Variants in FLT3 observed in about 807,000 individuals in gnomAD.
FLT3 encodes the protein receptor-type tyrosine-protein kinase FLT3.
In FLT3, 46 loss-of-function variants were observed where a neutral mutation model predicts 126.6. The observed-to-expected ratio is 0.36, with a 90% CI of 0.29 to 0.46. The LOEUF (loss-of-function observed/expected upper bound fraction) is 0.46. Ranked by LOEUF, FLT3 falls within the 20% of genes least tolerant of loss-of-function variation. The pLI is 1.00. For synonymous variants in FLT3, 404 were observed against 434.4 expected, an observed-to-expected ratio of 0.93 and a Z score of 0.87; for missense variants, 1,069 against 1,190.3, an observed-to-expected ratio of 0.90 and a Z score of 1.50.
intron 9 of FLT3, among the ~76,000 whole-genome samples, chr13:28,042,972 T>A (rs1284377554): frequency 6.6e-6 from 1 of 151,918 alleles, no homozygotes; most frequent in Non-Finnish European, 1.5e-5. Flanking sequence ...CAGTTTGTGG[T>A]TCTTCTGAGC....
intron 1 of FLT3, among the ~76,000 whole-genome samples, chr13:28,071,204 A>C (rs55896931): frequency 2.7e-5 from 4 of 149,450 alleles, no homozygotes; most frequent in Non-Finnish European, 4.4e-5. Flanking sequence ...GAGACGGGGT[A>C]TCGCCACGTT....
intron 15 of FLT3, among the ~76,000 whole-genome samples, chr13:28,029,077 C>T (rs1873079496): frequency 6.6e-6 from 1 of 152,146 alleles, no homozygotes; most frequent in African/African-American, 2.4e-5. Flanking sequence ...CCACCATGCC[C>T]AGCCTAAGGC....
At chr13:28,006,042 T>C (rs764926573) in intron 23 of FLT3, among the ~76,000 whole-genome samples, 1 of 152,146 alleles carries the variant, frequency 6.6e-6, no homozygotes, top group Non-Finnish European at 1.5e-5. Context: ...GAGGATTGCT[T>C]GAGGCCAAGA....
chr13:28,058,031 C>T (rs1003648284), intron 3 of FLT3, among the ~76,000 whole-genome samples: 8 of 151,074 alleles, frequency 5.3e-5, no homozygotes, highest in Non-Finnish European at 8.9e-5. Context: ...AAGAGTGAAA[C>T]TCCGTCTCAA....
In FLT3 at chr13:28,057,383, T is replaced by C. The variant is rs1319880122; in HGVS notation, c.448A>G (p.Thr150Ala). 1.9e-6 allele frequency: 3 copies of C among 1,561,830 alleles called. No homozygotes were observed. Among genetic ancestry groups the C allele is most frequent in the Non-Finnish European group, 2.6e-6 (3 of 1,132,430 alleles). The change falls in exon 4 of 24, where the codon ACC becomes GCC. Residue 150 changes from threonine to alanine, a missense_variant. Coordinates refer to ENST00000241453, the MANE Select transcript of FLT3 (RefSeq NM_004119.3). ...EYLLFIQSEA[T>A]NYTILFTVSI... ...ACTGTAAACAATATTGTGTAATTGG[T>C]AGCTTCACTCTGAATAAAAAGTAGG...
At chr13:28,076,719 G>T (rs1226810197) in intron 1 of FLT3, among the ~76,000 whole-genome samples, 1 of 152,156 alleles carries the variant, frequency 6.6e-6, no homozygotes, top group African/African-American at 2.4e-5. Context: ...CTTGAGCCCA[G>T]GAATTCGAGA....
At position 28,022,719 on chromosome 13, in the gene FLT3, G is replaced by C. The variant is rs572562557; in HGVS notation, c.2418+631C>G. Among the ~76,000 whole-genome samples, 266 of 152,320 alleles carry C rather than the reference G, an allele frequency of 1.7e-3. 1 individual carries two copies. Among genetic ancestry groups the C allele is most frequent in the African/African-American group, 6.2e-3 (256 of 41,582 alleles). On this transcript the variant is annotated intron_variant, in intron 19 of 23. Transcript: ENST00000241453. ...AGCAAACGAGGAAGGAAGGTAGCCA[G>C]AGAGTGGGCTATGATCTGCTTATAG... is the stretch of plus-strand genomic sequence containing the variant.
chr13:28,077,745 C>T (rs950496546), intron 1 of FLT3, among the ~76,000 whole-genome samples: 4 of 152,156 alleles, frequency 2.6e-5, no homozygotes, highest in Admixed American at 2.0e-4. Flanking sequence ...AGTCCAAAGT[C>T]TCATCTGAGG....
intron 1 of FLT3, among the ~76,000 whole-genome samples, chr13:28,087,211 A>C (rs1371893111): frequency 6.6e-6 from 1 of 152,048 alleles, no homozygotes; most frequent in Non-Finnish European, 1.5e-5. Flanking sequence ...CTTTGACTAC[A>C]AGGACACACC....
chr13:28,097,234 GAAA>G (rs1322505375), intron 1 of FLT3, among the ~76,000 whole-genome samples: 4 of 150,744 alleles, frequency 2.7e-5, no homozygotes, highest in East Asian at 1.9e-4. Flanking sequence ...GAAAAAGAAA[GAAA>G]GAAAGGAAGG....
chr13:28,047,497 G>A (rs1055174327), intron 9 of FLT3, among the ~76,000 whole-genome samples: 1 of 152,084 alleles, frequency 6.6e-6, no homozygotes, highest in Non-Finnish European at 1.5e-5. Flanking sequence ...AATCTCCTGA[G>A]CTCAAGAGTC....
rs73156252 is a variant in FLT3 at position 28,079,321 on chromosome 13, T to C, written c.44-8709A>G. On this transcript the variant is annotated intron_variant, in intron 1 of 23. Transcript: ENST00000241453. ...GACCACCTCGGCTTGGACCTTATTG[T>C]TCGTATCACTATCAGGATTTTTGTC... Among the ~76,000 whole-genome samples, 1,132 of 152,306 alleles carry C rather than the reference T, an allele frequency of 7.4e-3. 7 individuals are homozygous for C. Among genetic ancestry groups the C allele is most frequent in the Non-Finnish European group, 0.013 (859 of 68,030 alleles).
intron 18 of FLT3, 93 bp from the exon 19 acceptor site, chr13:28,023,570 T>C (rs1038178748): frequency 1.5e-6 from 2 of 1,378,438 alleles, no homozygotes; most frequent in Non-Finnish European, 2.0e-6. Flanking sequence ...CAGAGTTAGG[T>C]GAGGTGCTAA....
rs113937296 is a variant in FLT3 at position 28,021,891 on chromosome 13, C to T, written c.2418+1459G>A. Among the ~76,000 whole-genome samples the T allele has an allele frequency of 4.2e-3, 639 of 151,980 alleles. 4 individuals are homozygous for T. Among genetic ancestry groups the T allele is most frequent in the African/African-American group, 0.014 (589 of 41,448 alleles). ...CCAAGTAGCTGGGACTACAGGCGCC[C>T]GCCACCACACTCGGCTAATTTTTTT... On this transcript the variant is annotated intron_variant, in intron 19 of 23. Transcript: ENST00000241453.
At chr13:28,060,183 T>G (rs1168782659) in intron 3 of FLT3, among the ~76,000 whole-genome samples, 8 of 146,616 alleles carry the variant, frequency 5.5e-5, no homozygotes, top group Non-Finnish European at 1.0e-4. Context: ...TCACCTGAGG[T>G]CAGGAGTTTG....
intron 1 of FLT3, among the ~76,000 whole-genome samples, chr13:28,072,866 G>T (rs1305935141): frequency 1.3e-5 from 2 of 152,074 alleles, no homozygotes; most frequent in Non-Finnish European, 2.9e-5. Context: ...TTAGCCGGGC[G>T]TGGTGGCAGG....
intron 19 of FLT3, among the ~76,000 whole-genome samples, chr13:28,021,142 C>T (rs1453611621): frequency 1.3e-5 from 2 of 152,164 alleles, no homozygotes; most frequent in African/African-American, 4.8e-5. Context: ...GTAATCCCAG[C>T]ACTTTGGGAA....
chr13:28,075,550 C>A (rs1437429472), intron 1 of FLT3, among the ~76,000 whole-genome samples: 1 of 151,958 alleles, frequency 6.6e-6, no homozygotes, highest in Non-Finnish European at 1.5e-5. Flanking sequence ...CATGGTGAAA[C>A]CCTGTCTCTA....
intron 1 of FLT3, among the ~76,000 whole-genome samples, chr13:28,097,070 A>G (rs1395973245): frequency 6.6e-6 from 1 of 152,070 alleles, no homozygotes; most frequent in Non-Finnish European, 1.5e-5. Context: ...CAAAAAATTA[A>G]TGAGGTGTGG....
Sources: allele counts gnomAD v4.1 joint callset (sites outside exome capture counted in the v4.1 genomes callset), GRCh38; gene constraint gnomAD v4.1.1; transcripts MANE v1.5; gene names NCBI Gene and HGNC (gene_info 2026-07-23, HGNC 2026-07-21).